Variants in TDRD10 observed in about 807,000 individuals in gnomAD.
TDRD10 encodes tudor domain containing 10, also known as tudor domain-containing protein 10.
In TDRD10, 40 loss-of-function variants were observed where a neutral mutation model predicts 48.0. The ratio of observed to expected loss-of-function variants is 0.83; its 90% confidence interval spans 0.65 to 1.09. The LOEUF (loss-of-function observed/expected upper bound fraction) is 1.09, where lower values mean the gene tolerates loss of function less well. Among genes scored for constraint, TDRD10 ranks in the 50% least tolerant of loss-of-function variants. The pLI, the probability that TDRD10 is intolerant of heterozygous loss-of-function variation, is 0.00. For synonymous variants in TDRD10, 162 were observed against 170.4 expected, an observed-to-expected ratio of 0.95 and a Z score of 0.38; for missense variants, 378 against 434.7, an observed-to-expected ratio of 0.87 and a Z score of 1.16.
chr1:154,524,102 T>C (rs1246165970), intron 6 of TDRD10, among the ~76,000 whole-genome samples: 1 of 152,236 alleles, frequency 6.6e-6, no homozygotes, highest in Non-Finnish European at 1.5e-5. Flanking sequence ...GAGTCATTTG[T>C]GGATCTGCTT....
At chr1:154,535,814 G>A (rs778736013) in intron 6 of TDRD10, among the ~76,000 whole-genome samples, 7 of 152,166 alleles carry the variant, frequency 4.6e-5, no homozygotes, top group Non-Finnish European at 1.0e-4. Flanking sequence ...AACAAGACGG[G>A]ATCTGGTATC....
intron 6 of TDRD10, 99 bp downstream of exon 6, chr1:154,521,578 C>A: frequency 7.3e-7 from 1 of 1,377,824 alleles, no homozygotes; most frequent in Non-Finnish European, 9.9e-7. Flanking sequence ...CCAGTCCAGT[C>A]TGACTGTGGA....
At chr1:154,508,692 G>A (rs1261119153) in intron 4 of TDRD10, among the ~76,000 whole-genome samples, 2 of 152,160 alleles carry the variant, frequency 1.3e-5, no homozygotes, top group Non-Finnish European at 2.9e-5. Flanking sequence ...TTGACATCCT[G>A]GACAGTTAGT....
intron 4 of TDRD10, among the ~76,000 whole-genome samples, chr1:154,517,893 A>G (rs1181678818): frequency 3.3e-5 from 5 of 152,204 alleles, no homozygotes; most frequent in Admixed American, 3.3e-4. Flanking sequence ...TCAGGGCCAC[A>G]CGGTCCTCAC....
intron 6 of TDRD10, among the ~76,000 whole-genome samples, 163 bp downstream of exon 6, chr1:154,521,642 CAG>C (rs1029787181): frequency 4.6e-5 from 7 of 152,082 alleles, no homozygotes; most frequent in African/African-American, 1.7e-4. Context: ...CTTTAACAGT[CAG>C]AGGTAAGGTC....
intron 11 of TDRD10, among the ~76,000 whole-genome samples, chr1:154,546,081 A>G (rs1025166105): frequency 6.3e-5 from 7 of 111,190 alleles, no homozygotes; most frequent in African/African-American, 2.5e-4. Flanking sequence ...CCCTCAGACA[A>G]ACTAAGTCTT....
In TDRD10 at chr1:154,505,631, C is replaced by T. The variant is rs370461307; in HGVS notation, c.-27-1246C>T. On this transcript the variant is annotated intron_variant, in intron 1 of 12. Transcript: ENST00000368482. ...CCTAAAGTACAGGAAAAAAAAATCCCTTTAAAATGACTTTGACGCCTTGTT... is the reference window on the plus strand; with the variant it reads ...CCTAAAGTACAGGAAAAAAAAATCCTTTTAAAATGACTTTGACGCCTTGTT... Among the ~76,000 whole-genome samples, 31 of 152,148 alleles carry T rather than the reference C, an allele frequency of 2.0e-4. No homozygotes were observed. In the East Asian group the frequency reaches 4.8e-3, roughly 24 times the overall value.
chr1:154,539,443 C>T (rs1695104736), intron 6 of TDRD10, among the ~76,000 whole-genome samples: 1 of 152,180 alleles, frequency 6.6e-6, no homozygotes, highest in Non-Finnish European at 1.5e-5. Flanking sequence ...GCTTGGATTA[C>T]AGGCACCCGC....
intron 4 of TDRD10, among the ~76,000 whole-genome samples, chr1:154,514,815 G>A (rs1040149750): frequency 9.9e-5 from 15 of 151,896 alleles, no homozygotes; most frequent in Admixed American, 6.6e-5. Context: ...GGCTTCCCAT[G>A]TAGCTGGGAC....
At chr1:154,510,699 G>A (rs1214951777) in intron 4 of TDRD10, among the ~76,000 whole-genome samples, 5 of 152,122 alleles carry the variant, frequency 3.3e-5, no homozygotes, top group Non-Finnish European at 5.9e-5. Context: ...TAGAAGACAC[G>A]AGAATCTTGG....
Position 154,502,537 on chromosome 1 carries a change from G to A in TDRD10, c.-520G>A, listed in dbSNP as rs1220909359. 6.6e-6 allele frequency: 1 copy of A among 152,238 alleles called. No individual in the cohort carries two copies. Among genetic ancestry groups the A allele is most frequent in the Non-Finnish European group, 1.5e-5 (1 of 68,092 alleles). 9.4% of individuals were successfully genotyped at this position (152,238 alleles called of 1,614,324 possible). On this transcript the variant is annotated 5_prime_UTR_variant, in exon 1 of 13. Transcript: ENST00000368482. ...CGGGGTGAGCGCCATGGCAGAGGCGGGTCGGGCTGCGAGCTCTGGAGAAAG... is the reference window on the plus strand; with the variant it reads ...CGGGGTGAGCGCCATGGCAGAGGCGAGTCGGGCTGCGAGCTCTGGAGAAAG...
At chr1:154,528,230 AAT>A (rs1301522086) in intron 6 of TDRD10, among the ~76,000 whole-genome samples, 322 of 112,040 alleles carry the variant, frequency 2.9e-3, no homozygotes, top group African/African-American at 8.0e-3. Flanking sequence ...AAAAAAAAAA[AAT>A]TTTTTTTTGA....
intron 6 of TDRD10, among the ~76,000 whole-genome samples, chr1:154,523,889 G>C (rs1694178757): frequency 6.6e-6 from 1 of 152,072 alleles, no homozygotes; most frequent in Non-Finnish European, 1.5e-5. Context: ...GGAATTCTCT[G>C]ATCTTTTCTC....
Position 154,526,749 on chromosome 1 carries a change from G to T in TDRD10, c.369+5270G>T, listed in dbSNP as rs112614350. ...ATTACAGGTGTGAGCCACTGCGCCT[G>T]GCCTAATTTTTGTATTTTTTGGTAT... On this transcript the variant is annotated intron_variant, in intron 6 of 12. Transcript: ENST00000368482. Among the ~76,000 whole-genome samples the T allele has an allele frequency of 4.9e-3, 741 of 151,900 alleles. 5 individuals carry two copies. The highest frequency in any genetic ancestry group is 0.041 in the Middle Eastern group (12 of 294).
chr1:154,538,718 T>C (rs1695056796), intron 6 of TDRD10, among the ~76,000 whole-genome samples: 1 of 151,690 alleles, frequency 6.6e-6, no homozygotes, highest in Admixed American at 6.6e-5. Context: ...CCGGGTATAG[T>C]GGTGGGCACC....
chr1:154,507,080 G>A (rs1470087420), intron 2 of TDRD10, 161 bp from the exon 3 acceptor site: 5 of 985,244 alleles, frequency 5.1e-6, no homozygotes, highest in African/African-American at 1.7e-5. Context: ...TCCAGTGGAG[G>A]GCTTCCTGGC....
At chr1:154,535,142 G>A (rs562991143) in intron 6 of TDRD10, among the ~76,000 whole-genome samples, 7 of 152,122 alleles carry the variant, frequency 4.6e-5, no homozygotes, top group East Asian at 1.9e-4. Flanking sequence ...CGAGGTGGGC[G>A]GATCACTTGA....
rs141286700 is a variant in TDRD10 at position 154,548,116 on chromosome 1, A to T, written c.*406A>T. 521 of 219,382 alleles carry T rather than the reference A, an allele frequency of 2.4e-3. 2 individuals are homozygous for T. The highest frequency in any genetic ancestry group is 0.012 in the African/African-American group (499 of 43,278). 13.6% of individuals were successfully genotyped at this position (219,382 alleles called of 1,614,324 possible). A position where few individuals can be genotyped will look rare whatever the true frequency, so the allele number is the denominator to read the frequency against. Reference sequence around the variant, plus strand: ...TAGAATAGGTAGAGAATATTTAACCAATGAGCAAATAAATGTTGGCATGTT... The same window carrying T: ...TAGAATAGGTAGAGAATATTTAACCTATGAGCAAATAAATGTTGGCATGTT... On this transcript the variant is annotated 3_prime_UTR_variant, in exon 13 of 13. Transcript: ENST00000368482.
chr1:154,544,249 C>T, intron 9 of TDRD10, 123 bp from the exon 10 acceptor site: 1 of 1,542,040 alleles, frequency 6.5e-7, no homozygotes. Flanking sequence ...CTCGTTCTCT[C>T]TCCCACCTCA....
Sources: allele counts gnomAD v4.1 joint callset (sites outside exome capture counted in the v4.1 genomes callset), GRCh38; gene constraint gnomAD v4.1.1; transcripts MANE v1.5; gene names NCBI Gene and HGNC (gene_info 2026-07-23, HGNC 2026-07-21).